DCTN4: variants seen among roughly 807,000 people sequenced by gnomAD.
The protein encoded by DCTN4 is dynactin subunit 4, also known as dynactin 4 (p62).
Under a neutral mutation model 62.7 loss-of-function variants are expected in DCTN4, and 23 were observed. That is an observed-to-expected ratio of 0.37 (90% confidence interval 0.26 to 0.52). The LOEUF (loss-of-function observed/expected upper bound fraction) is 0.52, where lower values mean the gene tolerates loss of function less well. DCTN4 is among the 20% of genes least tolerant of loss of function. The pLI, the probability that DCTN4 is intolerant of heterozygous loss-of-function variation, is 0.92. For missense variants in DCTN4, 514 were observed against 580.4 expected (o/e 0.89, Z 1.18); for synonymous variants, 199 against 202.1 (o/e 0.98, Z 0.13).
At chr5:150,731,644 G>A in intron 5 of DCTN4, 155 bp from the exon 6 acceptor site, 1 of 649,842 alleles carries the variant, frequency 1.5e-6, no homozygotes. Context: ...GCAATTTGTA[G>A]CCCCACATCA....
chr5:150,751,916 G>T (rs1267728376), intron 3 of DCTN4, among the ~76,000 whole-genome samples: 1 of 152,108 alleles, frequency 6.6e-6, no homozygotes, highest in Non-Finnish European at 1.5e-5. Flanking sequence ...TCCAAATTGT[G>T]TAAGAATCTA....
intron 3 of DCTN4, among the ~76,000 whole-genome samples, chr5:150,745,614 A>G (rs1442079723): frequency 6.6e-6 from 1 of 152,242 alleles, no homozygotes; most frequent in Non-Finnish European, 1.5e-5. Flanking sequence ...GTGCAATCAA[A>G]CTAGAACTCA....
chr5:150,756,676 C>A, intron 1 of DCTN4, among the ~76,000 whole-genome samples, 189 bp from the exon 2 acceptor site: 1 of 146,830 alleles, frequency 6.8e-6, no homozygotes. Context: ...TTTAAAAAAT[C>A]CTTCTATTTT....
chr5:150,753,698 T>C (rs1213805517), intron 2 of DCTN4, 41 bp from the exon 3 acceptor site: 1 of 1,578,258 alleles, frequency 6.3e-7, no homozygotes, highest in Non-Finnish European at 8.7e-7. Flanking sequence ...AACAAATATT[T>C]ATCAAGGAAT....
chr5:150,729,828 A>C (rs1760293264), intron 8 of DCTN4, among the ~76,000 whole-genome samples: 1 of 151,878 alleles, frequency 6.6e-6, no homozygotes, highest in South Asian at 2.1e-4. Context: ...CCAGTGTTTA[A>C]ATTTTCTCAA....
intron 11 of DCTN4, among the ~76,000 whole-genome samples, chr5:150,716,848 G>C (rs1220470531): frequency 6.6e-6 from 1 of 151,928 alleles, no homozygotes; most frequent in Admixed American, 6.5e-5. Context: ...GAAACTGGGA[G>C]GCGGAGAGTG....
rs183892554 is a variant in DCTN4 at position 150,718,651 on chromosome 5, A to G, written c.964-268T>C. On this transcript the variant is annotated intron_variant, in intron 10 of 12. Transcript: ENST00000447998. ...TTACTAGATCCAGAAATTCTGAGGAATGTTCATTATCTAAGTGAAGTTAAA... is the reference window on the plus strand; with the variant it reads ...TTACTAGATCCAGAAATTCTGAGGAGTGTTCATTATCTAAGTGAAGTTAAA... Among the ~76,000 whole-genome samples, 42 of 152,206 alleles carry G rather than the reference A, an allele frequency of 2.8e-4. No homozygotes were observed. The East Asian group carries it at 8.1e-3, about 29-fold the overall frequency.
chr5:150,729,042 CTTTTTTTTTTTTTTTTTTTT>C (rs61106544), intron 8 of DCTN4, among the ~76,000 whole-genome samples: 19 of 52,148 alleles, frequency 3.6e-4, no homozygotes, highest in South Asian at 6.3e-4. Context: ...ACCACACTGG[CTTTTTTTTTTTTTTTTTTTT>C]TTTTTTTTTT....
intron 4 of DCTN4, among the ~76,000 whole-genome samples, chr5:150,737,859 T>C (rs928276011): frequency 6.6e-6 from 1 of 151,688 alleles, no homozygotes; most frequent in African/African-American, 2.4e-5. Flanking sequence ...TAAACCAAAT[T>C]GATAGAATGT....
intron 8 of DCTN4, among the ~76,000 whole-genome samples, chr5:150,724,933 G>A (rs1428499611): frequency 6.6e-6 from 1 of 151,974 alleles, no homozygotes; most frequent in East Asian, 1.9e-4. Context: ...TGAGGCGGGC[G>A]GACCACGAGG....
At chr5:150,753,872 C>T (rs1280512885) in intron 2 of DCTN4, among the ~76,000 whole-genome samples, 2 of 152,148 alleles carry the variant, frequency 1.3e-5, no homozygotes, top group African/African-American at 4.8e-5. Context: ...CAACCCAATC[C>T]TACTCCACAG....
intron 3 of DCTN4, among the ~76,000 whole-genome samples, chr5:150,752,969 C>T (rs1752730247): frequency 1.3e-5 from 2 of 151,992 alleles, no homozygotes; most frequent in Admixed American, 6.5e-5. Flanking sequence ...CAGGTTCACG[C>T]CATTCTCCTG....
intron 3 of DCTN4, among the ~76,000 whole-genome samples, chr5:150,743,524 C>T (rs192069271): frequency 7.9e-5 from 12 of 152,316 alleles, no homozygotes; most frequent in East Asian, 5.8e-4. Context: ...CTCTGACCCC[C>T]GAGCAGCCTA....
At chr5:150,728,233 C>T (rs983159943) in intron 8 of DCTN4, among the ~76,000 whole-genome samples, 6 of 152,140 alleles carry the variant, frequency 3.9e-5, no homozygotes, top group Non-Finnish European at 7.4e-5. Context: ...TGACTTAAAT[C>T]TTTTCTTGTT....
At chr5:150,716,867 C>T (rs959457413) in intron 11 of DCTN4, among the ~76,000 whole-genome samples, 1 of 150,708 alleles carries the variant, frequency 6.6e-6, no homozygotes, top group African/African-American at 2.4e-5. Flanking sequence ...TGCAGTGAGC[C>T]GAGACTGCGC....
chr5:150,746,145 C>G (rs1760953736), intron 3 of DCTN4, among the ~76,000 whole-genome samples: 1 of 151,758 alleles, frequency 6.6e-6, no homozygotes. Flanking sequence ...AAACTACCAT[C>G]AGAGAATACT....
chr5:150,710,878 C>T lies in DCTN4; in HGVS notation c.*271G>A, dbSNP rs563445066. The T allele has an allele frequency of 1.7e-4, 75 of 454,350 alleles. No homozygotes were observed. Among genetic ancestry groups the T allele is most frequent in the South Asian group, 6.1e-4 (25 of 41,086 alleles). 28.1% of individuals were successfully genotyped at this position (454,350 alleles called of 1,614,324 possible). On this transcript the variant is annotated 3_prime_UTR_variant, in exon 13 of 13. Transcript: ENST00000447998. ...ATTCCAAGGAACACCCATCCCCTTT[C>T]CTAGGATGGAATTATGCTGCTGTTA...
chr5:150,728,740 C>T (rs868743986), intron 8 of DCTN4, among the ~76,000 whole-genome samples: 13 of 152,070 alleles, frequency 8.5e-5, no homozygotes, highest in Admixed American at 2.6e-4. Context: ...TTGTAATAAG[C>T]ATATAGATGG....
intron 4 of DCTN4, among the ~76,000 whole-genome samples, chr5:150,741,910 C>G (rs541706800): frequency 6.6e-6 from 1 of 152,316 alleles, no homozygotes; most frequent in Admixed American, 6.5e-5. Context: ...TAAAGCTACA[C>G]CTAGGATTCT....
Sources: allele counts gnomAD v4.1 joint callset (sites outside exome capture counted in the v4.1 genomes callset), GRCh38; gene constraint gnomAD v4.1.1; transcripts MANE v1.5; gene names NCBI Gene and HGNC (gene_info 2026-07-23, HGNC 2026-07-21).